Variants in SGCG observed in about 807,000 individuals in gnomAD.
SGCG encodes sarcoglycan gamma, also known as gamma-sarcoglycan.
A neutral mutation model predicts 29.3 loss-of-function variants in SGCG; 26 were observed. The ratio of observed to expected loss-of-function variants is 0.89; its 90% CI spans 0.65 to 1.23. SGCG has a LOEUF of 1.23. Among genes scored for constraint, SGCG ranks in the 50% most tolerant of loss-of-function variants. The pLI is 0.00. For synonymous variants in SGCG, 145 were observed against 129.7 expected (o/e 1.12, Z -0.80); for missense variants, 353 against 356.0 (o/e 0.99, Z 0.07).
intron 3 of SGCG, among the ~76,000 whole-genome samples, chr13:23,239,259 G>C (rs746258866): frequency 6.6e-6 from 1 of 151,772 alleles, no homozygotes; most frequent in Non-Finnish European, 1.5e-5. Flanking sequence ...ACAAAGGAGT[G>C]AAAAAAATAT....
intron 6 of SGCG, among the ~76,000 whole-genome samples, chr13:23,319,699 T>C (rs1479430387): frequency 6.6e-6 from 1 of 152,176 alleles, no homozygotes; most frequent in African/African-American, 2.4e-5. Flanking sequence ...GGGTAGGATT[T>C]CCGAATTAGG....
In SGCG at chr13:23,218,005, G is replaced by T. The variant is rs573419298; in HGVS notation, c.195+14116G>T. On this transcript the variant is annotated intron_variant, in intron 2 of 7. Coordinates refer to ENST00000218867, the MANE Select transcript of SGCG (RefSeq NM_000231.3). Reference sequence around the variant, plus strand: ...CCCACTGAAGCCAAGAACAAGAAAAGTATGTCTGATATCACTACTGTAATT... The same window carrying T: ...CCCACTGAAGCCAAGAACAAGAAAATTATGTCTGATATCACTACTGTAATT... Among the ~76,000 whole-genome samples, 5 of 152,138 alleles carry T rather than the reference G, an allele frequency of 3.3e-5. No individual in the cohort carries two copies. The East Asian group carries it at 9.6e-4, about 29-fold the overall frequency.
upstream of SGCG, among the ~76,000 whole-genome samples, chr13:23,178,529 C>T (rs1876629948): frequency 4.6e-5 from 7 of 152,110 alleles, no homozygotes; most frequent in Admixed American, 4.6e-4. Context: ...CTGCAGTTAG[C>T]TTATAACGTC....
chr13:23,188,326 T>C (rs891935365), intron 1 of SGCG, among the ~76,000 whole-genome samples: 22 of 98,978 alleles, frequency 2.2e-4, no homozygotes, highest in Non-Finnish European at 3.3e-4. Flanking sequence ...TTTTTTTTTT[T>C]TTTTTTTTTT....
intron 2 of SGCG, among the ~76,000 whole-genome samples, chr13:23,232,748 C>T (rs1879159109): frequency 6.6e-6 from 1 of 152,140 alleles, no homozygotes; most frequent in African/African-American, 2.4e-5. Flanking sequence ...CGTCACTGCA[C>T]TCCAGCCTGG....
intron 4 of SGCG, among the ~76,000 whole-genome samples, chr13:23,266,986 C>T (rs1880665530): frequency 6.6e-6 from 1 of 152,174 alleles, no homozygotes; most frequent in South Asian, 2.1e-4. Flanking sequence ...CATTGAAAAG[C>T]AAGCACTAGT....
In SGCG at chr13:23,320,698, C is replaced by T. The variant is rs776984717; in HGVS notation, c.640C>T (p.His214Tyr). The part of the protein sequence containing the change: ...DAPRGVHIQA[H>Y]AGKIEALSQM... ...CCCAAGGGGTGTGCATATTCAAGCT[C>T]ACGCTGGGAAAATTGAGGCGCTTTC... The change falls in exon 7 of 8, where the codon CAC becomes TAC. Residue 214 changes from histidine to tyrosine, a missense_variant. Coordinates refer to ENST00000218867, the MANE Select transcript of SGCG (RefSeq NM_000231.3). 39 of 1,609,464 alleles carry T rather than the reference C, an allele frequency of 2.4e-5. No homozygotes were observed. The highest frequency in any genetic ancestry group is 7.6e-6 in the Non-Finnish European group (9 of 1,177,722).
chr13:23,160,756 T>G, the SGCG span, among the ~76,000 whole-genome samples: 1 of 152,148 alleles, frequency 6.6e-6, no homozygotes, highest in Non-Finnish European at 1.5e-5. Context: ...TAGACGTCCC[T>G]ATGCCGGTTC....
At chr13:23,163,663 A>G in the SGCG span, among the ~76,000 whole-genome samples, 2 of 152,204 alleles carry the variant, frequency 1.3e-5, no homozygotes, top group African/African-American at 2.4e-5. Flanking sequence ...TCAGATATCA[A>G]TTTGTAAAAA....
chr13:23,224,598 A>C (rs1399133381), intron 2 of SGCG, among the ~76,000 whole-genome samples: 1 of 152,078 alleles, frequency 6.6e-6, no homozygotes, highest in Non-Finnish European at 1.5e-5. Context: ...CCTACACTAC[A>C]TGGGCAAATG....
At chr13:23,285,030 A>G (rs886600307) in intron 5 of SGCG, among the ~76,000 whole-genome samples, 6 of 152,128 alleles carry the variant, frequency 3.9e-5, no homozygotes, top group African/African-American at 7.2e-5. Context: ...GCTCTCCTGT[A>G]TGAGGTGTCT....
chr13:23,210,819 A>C (rs966789108), intron 2 of SGCG, among the ~76,000 whole-genome samples: 1 of 152,194 alleles, frequency 6.6e-6, no homozygotes, highest in Non-Finnish European at 1.5e-5. Flanking sequence ...GTGATTTCAA[A>C]GCTAAGTGTA....
chr13:23,273,615 T>C (rs955032738), intron 4 of SGCG, among the ~76,000 whole-genome samples: 1 of 152,232 alleles, frequency 6.6e-6, no homozygotes, highest in Non-Finnish European at 1.5e-5. Flanking sequence ...GTAATTTCTG[T>C]TTGTATTTCA....
At chr13:23,298,277 A>C (rs1424101753) in intron 6 of SGCG, among the ~76,000 whole-genome samples, 6 of 151,992 alleles carry the variant, frequency 3.9e-5, no homozygotes, top group East Asian at 2.0e-4. Flanking sequence ...AATTGCTTGA[A>C]CCTGGGAGGC....
intron 6 of SGCG, among the ~76,000 whole-genome samples, chr13:23,307,557 CT>C (rs1882404413): frequency 6.6e-6 from 1 of 151,956 alleles, no homozygotes; most frequent in Non-Finnish European, 1.5e-5. Flanking sequence ...GAACTATGCC[CT>C]GTTATGCATC....
In SGCG at chr13:23,299,441, TATA is replaced by T. The variant is rs1882049672; in HGVS notation, c.578+3955_578+3957del. 5.9e-3 allele frequency among the ~76,000 whole-genome samples: 129 copies of T among 21,730 alleles called. 10 individuals are homozygous for T. The highest frequency in any genetic ancestry group is 8.2e-3 in the African/African-American group (60 of 7,278). 14.3% of individuals were successfully genotyped at this position (21,730 alleles called of 152,430 possible). ...ATATATATATATATATATATATATA[TATA>T]TATATATATATATTTTTTTTTTTTT... On this transcript the variant is annotated intron_variant, in intron 6 of 7. Transcript: ENST00000218867.
At chr13:23,271,062 A>T (rs1880857899) in intron 4 of SGCG, among the ~76,000 whole-genome samples, 1 of 152,020 alleles carries the variant, frequency 6.6e-6, no homozygotes, top group Non-Finnish European at 1.5e-5. Flanking sequence ...AAATACAAAA[A>T]TTAGCCAGGC....
chr13:23,251,588 G>A (rs1386523506), intron 4 of SGCG, among the ~76,000 whole-genome samples: 5 of 151,950 alleles, frequency 3.3e-5, no homozygotes, highest in African/African-American at 1.2e-4. Context: ...ATCAAGATCA[G>A]CCTGGGCAAC....
intron 4 of SGCG, among the ~76,000 whole-genome samples, chr13:23,252,239 T>C (rs1879995202): frequency 1.3e-5 from 2 of 152,210 alleles, no homozygotes. Flanking sequence ...AGCTTTCAAG[T>C]GTTTGAGGAA....
Sources: allele counts gnomAD v4.1 joint callset (sites outside exome capture counted in the v4.1 genomes callset), GRCh38; gene constraint gnomAD v4.1.1; transcripts MANE v1.5; gene names NCBI Gene and HGNC (gene_info 2026-07-23, HGNC 2026-07-21).